GPHN: variants seen among roughly 807,000 people sequenced by gnomAD.
GPHN encodes the protein gephyrin.
GPHN carries 17 observed loss-of-function variants against 95.5 expected under a neutral mutation model. The ratio of observed to expected loss-of-function variants is 0.18; its 90% CI spans 0.12 to 0.27. GPHN has a LOEUF of 0.27. Among genes scored for constraint, GPHN ranks in the 10% least tolerant of loss-of-function variants. The pLI, the probability that GPHN is intolerant of heterozygous loss-of-function variation, is 1.00. For synonymous variants in GPHN, 320 were observed against 322.5 expected (o/e 0.99, Z 0.08); for missense variants, 660 against 978.1 (o/e 0.67, Z 4.34).
chr14:67,557,429 A>C, the GPHN span: 1 of 1,611,438 alleles, frequency 6.2e-7, no homozygotes, highest in Non-Finnish European at 8.5e-7. Flanking sequence ...GTAAGGGCTC[A>C]TGCGCAAGGG....
the GPHN span, among the ~76,000 whole-genome samples, chr14:67,225,962 T>A: frequency 8.8e-6 from 1 of 113,490 alleles, no homozygotes; most frequent in African/African-American, 5.1e-5. Context: ...TGTGTGTGTG[T>A]GCGCGCGCGC....
At chr14:67,252,877 A>C in the GPHN span, among the ~76,000 whole-genome samples, 23,489 of 152,202 alleles carry the variant, frequency 0.15, 3,421 homozygotes, top group East Asian at 0.42. Context: ...TTTGAAACAC[A>C]ATTTCATTTA....
the GPHN span, among the ~76,000 whole-genome samples, chr14:67,275,744 T>C: frequency 2.0e-5 from 3 of 152,154 alleles, no homozygotes; most frequent in Non-Finnish European, 4.4e-5. Context: ...GCGAATCCAT[T>C]TGGTCCTGGA....
At chr14:67,657,145 G>C in the GPHN span, 1 of 152,240 alleles carries the variant, frequency 6.6e-6, no homozygotes, top group African/African-American at 2.4e-5. Flanking sequence ...TCCCATCCAA[G>C]TACTAACCTG....
chr14:66,747,343 G>A (rs1483447267), intron 2 of GPHN, among the ~76,000 whole-genome samples: 2 of 152,040 alleles, frequency 1.3e-5, no homozygotes, highest in African/African-American at 4.8e-5. Flanking sequence ...CTTCTAAACT[G>A]TGAAAAAAGT....
At chr14:67,070,789 A>C (rs2076271029) in intron 11 of GPHN, among the ~76,000 whole-genome samples, 1 of 146,442 alleles carries the variant, frequency 6.8e-6, no homozygotes, top group Non-Finnish European at 1.5e-5. Context: ...TGTGGGTCCC[A>C]CTTGTGTGCT....
At position 66,853,937 on chromosome 14, in the gene GPHN, G is replaced by A. The variant is rs145253214; in HGVS notation, c.295-26002G>A. ...GCAAGAGTTCTTTTTCTATTTTGCCGTTAGTTTATCTGCCATATTCCTTAT... is the reference window on the plus strand; with the variant it reads ...GCAAGAGTTCTTTTTCTATTTTGCCATTAGTTTATCTGCCATATTCCTTAT... On this transcript the variant is annotated intron_variant, in intron 4 of 22. Coordinates refer to ENST00000478722, the MANE Select transcript of GPHN (RefSeq NM_020806.5). 3.2e-3 allele frequency among the ~76,000 whole-genome samples: 483 copies of A among 152,176 alleles called. 11 individuals are homozygous for A. Among genetic ancestry groups the A allele is most frequent in the African/African-American group, 0.011 (444 of 41,506 alleles).
At chr14:67,376,293 T>A in the GPHN span, 1 of 775,860 alleles carries the variant, frequency 1.3e-6, no homozygotes, top group Non-Finnish European at 2.0e-6. Context: ...CTACTTTTTA[T>A]ACCCACTTAA....
chr14:67,415,281 T>C, the GPHN span, among the ~76,000 whole-genome samples: 2 of 152,192 alleles, frequency 1.3e-5, no homozygotes, highest in Non-Finnish European at 2.9e-5. Flanking sequence ...TTTTAACTTA[T>C]AATAGCTAAT....
At chr14:66,842,573 G>T in intron 4 of GPHN, 1 of 754,364 alleles carries the variant, frequency 1.3e-6, no homozygotes, top group Non-Finnish European at 2.2e-6. Context: ...GAAGGTTCAG[G>T]CTGGTTCTTA....
intron 8 of GPHN, among the ~76,000 whole-genome samples, chr14:66,930,884 TACATCACACTTA>T (rs2066753961): frequency 6.6e-6 from 1 of 152,224 alleles, no homozygotes; most frequent in Non-Finnish European, 1.5e-5. Context: ...GAGTAATTTA[TACATCACACTTA>T]ACAGTGTATA....
At chr14:67,155,097 A>T (rs2081506461) in intron 18 of GPHN, among the ~76,000 whole-genome samples, 2 of 152,222 alleles carry the variant, frequency 1.3e-5, no homozygotes, top group African/African-American at 4.8e-5. Flanking sequence ...AAATAAGCAG[A>T]ATTTTCATGA....
intron 4 of GPHN, among the ~76,000 whole-genome samples, chr14:66,843,160 T>C (rs2062164084): frequency 6.6e-6 from 1 of 152,102 alleles, no homozygotes; most frequent in Non-Finnish European, 1.5e-5. Flanking sequence ...TTTGCCTCAC[T>C]TCACTCATCT....
intron 2 of GPHN, among the ~76,000 whole-genome samples, chr14:66,757,224 A>C (rs2058589527): frequency 6.6e-6 from 1 of 152,228 alleles, no homozygotes; most frequent in Non-Finnish European, 1.5e-5. Context: ...TCCAAGAACT[A>C]GAAGTATTTA....
chr14:66,818,674 C>T (rs897327706), intron 3 of GPHN, among the ~76,000 whole-genome samples: 6 of 152,116 alleles, frequency 3.9e-5, no homozygotes, highest in East Asian at 3.9e-4. Context: ...TGAGGAATCG[C>T]GACACTGTCT....
chr14:67,111,988 TG>T (rs2078403635), intron 15 of GPHN, 69 bp downstream of exon 15: 3 of 1,172,774 alleles, frequency 2.6e-6, no homozygotes, highest in Non-Finnish European at 3.8e-6. Flanking sequence ...CAGGAAACCC[TG>T]GCTACTATAA....
At position 67,179,433 on chromosome 14, in the gene GPHN, A is replaced by T. The variant is rs2083203377; in HGVS notation, c.2080-145A>T. 5.1e-5 allele frequency: 33 copies of T among 651,570 alleles called. 1 individual carries two copies. In the Middle Eastern group the frequency reaches 1.2e-3, roughly 24 times the overall value. 40.4% of individuals were successfully genotyped at this position (651,570 alleles called of 1,614,324 possible). ...TTAAATTTTATTTAAAAAGAAAAAG[A>T]ACATAAGGTGGTAGTGACAGCAACG... is the stretch of plus-strand genomic sequence containing the variant. On this transcript the variant is annotated intron_variant, in intron 21 of 22. Transcript: ENST00000478722.
intron 17 of GPHN, among the ~76,000 whole-genome samples, chr14:67,135,848 T>C (rs1449335119): frequency 6.6e-6 from 1 of 152,194 alleles, no homozygotes; most frequent in African/African-American, 2.4e-5. Flanking sequence ...TCTCTTGCTC[T>C]GTCTTCTTAT....
chr14:67,310,279 G>A, the GPHN span, among the ~76,000 whole-genome samples: 4 of 151,982 alleles, frequency 2.6e-5, no homozygotes, highest in Non-Finnish European at 4.4e-5. Context: ...CTAGAATGAG[G>A]TTCTTTAGGG....
Sources: allele counts gnomAD v4.1 joint callset (sites outside exome capture counted in the v4.1 genomes callset), GRCh38; gene constraint gnomAD v4.1.1; transcripts MANE v1.5; gene names NCBI Gene and HGNC (gene_info 2026-07-23, HGNC 2026-07-21).